The following PSD3 variants were observed in gnomAD, a reference collection of about 807,000 sequenced individuals.
PSD3 encodes PH and SEC7 domain-containing protein 3.
A neutral mutation model predicts 105.5 loss-of-function variants in PSD3; 49 were observed. The ratio of observed to expected loss-of-function variants is 0.46; its 90% CI spans 0.37 to 0.59. PSD3 has a LOEUF of 0.59. Among genes scored for constraint, PSD3 ranks in the 20% least tolerant of loss-of-function variants. PSD3 has a pLI of 0.00. For synonymous variants in PSD3, 557 were observed against 457.8 expected, an observed-to-expected ratio of 1.22 and a Z score of -2.77; for missense variants, 1,561 against 1,263.8, an observed-to-expected ratio of 1.24 and a Z score of -3.57.
At chr8:18,667,859 T>G (rs1799567818) in intron 9 of PSD3, among the ~76,000 whole-genome samples, 1 of 152,158 alleles carries the variant, frequency 6.6e-6, no homozygotes, top group Non-Finnish European at 1.5e-5. Context: ...GGGGAGAATC[T>G]GAGTGTAGCG....
intron 1 of PSD3, among the ~76,000 whole-genome samples, chr8:18,998,851 G>A (rs1269251394): frequency 6.6e-6 from 1 of 151,886 alleles, no homozygotes; most frequent in African/African-American, 2.4e-5. Flanking sequence ...AATTCCAGGT[G>A]TAACCCATTT....
intron 12 of PSD3, among the ~76,000 whole-genome samples, chr8:18,578,223 G>A (rs1408197520): frequency 6.6e-6 from 1 of 151,740 alleles, no homozygotes; most frequent in East Asian, 1.9e-4. Flanking sequence ...ACTTTTCTTA[G>A]CCATCCATTT....
At chr8:18,773,879 A>G (rs1282332378) in intron 8 of PSD3, among the ~76,000 whole-genome samples, 1 of 152,198 alleles carries the variant, frequency 6.6e-6, no homozygotes, top group Non-Finnish European at 1.5e-5. Flanking sequence ...GTTCCAATAC[A>G]TGACTATAAA....
intron 1 of PSD3, among the ~76,000 whole-genome samples, chr8:18,957,730 G>C (rs543119431): frequency 2.0e-5 from 3 of 152,154 alleles, no homozygotes; most frequent in Non-Finnish European, 1.5e-5. Flanking sequence ...AGCAGTTTCC[G>C]AGGTTCTTAT....
At chr8:18,668,702 C>A (rs971518892) in intron 9 of PSD3, among the ~76,000 whole-genome samples, 2 of 152,156 alleles carry the variant, frequency 1.3e-5, no homozygotes, top group Non-Finnish European at 2.9e-5. Flanking sequence ...TGTTCACATA[C>A]ACACCTGTGT....
In PSD3 at chr8:18,792,872, C is replaced by T. The variant is rs11203997; in HGVS notation, c.2082+6423G>A. Among the ~76,000 whole-genome samples, 1,485 of 152,318 alleles carry T rather than the reference C, an allele frequency of 9.7e-3. 8 individuals carry two copies. Among genetic ancestry groups the T allele is most frequent in the South Asian group, 0.02 (98 of 4,828 alleles). On this transcript the variant is annotated intron_variant, in intron 8 of 15. Transcript: ENST00000327040. ...AATCATGCTGCTATAAAGACACATG[C>T]ACACTTATGTTTATTGCGGCACTAT...
intron 1 of PSD3, among the ~76,000 whole-genome samples, chr8:19,003,791 G>A (rs1251248098): frequency 1.3e-5 from 2 of 151,964 alleles, no homozygotes; most frequent in Non-Finnish European, 2.9e-5. Flanking sequence ...AAGACCCAGT[G>A]CTGAGGTAAG....
chr8:18,666,730 G>A (rs1799487857), intron 9 of PSD3, among the ~76,000 whole-genome samples: 1 of 141,866 alleles, frequency 7.0e-6, no homozygotes, highest in African/African-American at 2.7e-5. Context: ...TTTTTGGGGG[G>A]TGGGGGGAAG....
chr8:18,722,643 C>A (rs1487748), intron 9 of PSD3, among the ~76,000 whole-genome samples: 5,624 of 152,202 alleles, frequency 0.037, 294 homozygotes, highest in African/African-American at 0.11. Context: ...AGATGTCAAT[C>A]TCATTTCCAA....
intron 4 of PSD3, among the ~76,000 whole-genome samples, chr8:18,861,363 C>T (rs532986609): frequency 6.6e-6 from 1 of 152,262 alleles, no homozygotes; most frequent in South Asian, 2.1e-4. Flanking sequence ...CAGTCCCATC[C>T]TCAGCCCACT....
At chr8:19,071,155 G>A (rs1829246109) in intron 1 of PSD3, among the ~76,000 whole-genome samples, 1 of 151,948 alleles carries the variant, frequency 6.6e-6, no homozygotes, top group Non-Finnish European at 1.5e-5. Flanking sequence ...CGCCTCCTGG[G>A]TTCAAGTGAT....
intron 1 of PSD3, among the ~76,000 whole-genome samples, chr8:18,968,225 C>G (rs1399107116): frequency 6.6e-6 from 1 of 152,230 alleles, no homozygotes; most frequent in Non-Finnish European, 1.5e-5. Context: ...TACCCAACAT[C>G]TGAGATTCTC....
chr8:19,005,356 G>T (rs2129474829), intron 1 of PSD3, among the ~76,000 whole-genome samples: 1 of 152,136 alleles, frequency 6.6e-6, no homozygotes, highest in Middle Eastern at 3.4e-3. Flanking sequence ...ATTTTGTATT[G>T]TTTCATTTAC....
chr8:18,670,478 T>C (rs1027796023), intron 9 of PSD3, among the ~76,000 whole-genome samples: 3 of 151,812 alleles, frequency 2.0e-5, no homozygotes, highest in African/African-American at 7.3e-5. Flanking sequence ...GCGAGGCAGG[T>C]GGAATCTGGG....
At chr8:18,582,258 G>A (rs565952717) in intron 12 of PSD3, among the ~76,000 whole-genome samples, 3 of 152,188 alleles carry the variant, frequency 2.0e-5, no homozygotes, top group African/African-American at 4.8e-5. Context: ...TGCCTTCCAC[G>A]CTCACCACTG....
chr8:18,539,754 G>T (rs1363547307), intron 15 of PSD3, among the ~76,000 whole-genome samples: 2 of 151,790 alleles, frequency 1.3e-5, no homozygotes, highest in Admixed American at 6.6e-5. Context: ...CACCATGTTG[G>T]CCAGGATGGT....
intron 1 of PSD3, among the ~76,000 whole-genome samples, chr8:18,990,685 T>C (rs1825743567): frequency 6.6e-6 from 1 of 152,190 alleles, no homozygotes; most frequent in Admixed American, 6.5e-5. Flanking sequence ...AAATTTTAAT[T>C]GAAATTTTTT....
At chr8:18,614,111 T>C (rs1261359833) in intron 11 of PSD3, among the ~76,000 whole-genome samples, 2 of 152,236 alleles carry the variant, frequency 1.3e-5, no homozygotes, top group African/African-American at 2.4e-5. Context: ...TCTTCTTAGT[T>C]GACATGCCTC....
intron 4 of PSD3, among the ~76,000 whole-genome samples, chr8:18,848,799 C>T (rs771064201): frequency 3.9e-5 from 6 of 152,122 alleles, no homozygotes; most frequent in Admixed American, 2.6e-4. Flanking sequence ...AATGCAGAGA[C>T]GGTGGGGATT....
Sources: gnomAD v4.1 joint callset for allele counts (sites outside exome capture counted in the v4.1 genomes callset) on GRCh38, gnomAD v4.1.1 for gene constraint, MANE v1.5 for transcripts, NCBI Gene and HGNC (gene_info 2026-07-23, HGNC 2026-07-21) for gene names.